The following RAP1GDS1 variants were observed in gnomAD, a reference collection of about 807,000 sequenced individuals.
RAP1GDS1 encodes the protein Rap1 GTPase-GDP dissociation stimulator 1.
In RAP1GDS1, 35 loss-of-function variants were observed where a neutral mutation model predicts 71.1. That is an observed-to-expected ratio of 0.49 (90% CI 0.38 to 0.65). The LOEUF (loss-of-function observed/expected upper bound fraction) is 0.65. Ranked by LOEUF, RAP1GDS1 falls within the 30% of genes least tolerant of loss-of-function variation. The pLI is 0.00. For synonymous variants in RAP1GDS1, 229 were observed against 243.1 expected (o/e 0.94, Z 0.54); for missense variants, 663 against 706.1 (o/e 0.94, Z 0.69).
At chr4:98,411,109 C>A (rs1747004681) in intron 7 of RAP1GDS1, among the ~76,000 whole-genome samples, 1 of 152,194 alleles carries the variant, frequency 6.6e-6, no homozygotes, top group African/African-American at 2.4e-5. Flanking sequence ...ATACATGATA[C>A]ATACAAGTGT....
At chr4:98,353,914 TAA>T (rs989391220) in intron 4 of RAP1GDS1, among the ~76,000 whole-genome samples, 1 of 152,218 alleles carries the variant, frequency 6.6e-6, no homozygotes, top group African/African-American at 2.4e-5. Flanking sequence ...TTTATATGAT[TAA>T]TTTTAGCAAC....
intron 12 of RAP1GDS1, among the ~76,000 whole-genome samples, chr4:98,432,485 AGATT>A (rs2110214443): frequency 6.6e-6 from 1 of 152,336 alleles, no homozygotes; most frequent in Non-Finnish European, 1.5e-5. Context: ...TTTCTAAAAC[AGATT>A]GATGGGGAAA....
At chr4:98,308,795 A>G (rs1729773714) in intron 2 of RAP1GDS1, among the ~76,000 whole-genome samples, 1 of 152,166 alleles carries the variant, frequency 6.6e-6, no homozygotes, top group African/African-American at 2.4e-5. Context: ...AATTAATGAC[A>G]TGAATGTGTA....
Position 98,441,907 on chromosome 4 carries a change from T to C in RAP1GDS1, c.1697-83T>C, listed in dbSNP as rs1751921399. Reference sequence around the variant, plus strand: ...TTCTAGTTTTATAAGCTTAGTCTTGTCAAAATAAACATTTTGGTATATGTT... The same window carrying C: ...TTCTAGTTTTATAAGCTTAGTCTTGCCAAAATAAACATTTTGGTATATGTT... On this transcript the variant is annotated intron_variant, in intron 14 of 14. Coordinates refer to ENST00000408927, the MANE Select transcript of RAP1GDS1 (RefSeq NM_001100427.2). 3 of 1,453,576 alleles carry C rather than the reference T, an allele frequency of 2.1e-6. No homozygotes were observed. The Admixed American group carries it at 6.0e-5, about 29-fold the overall frequency. 90.0% of individuals were successfully genotyped at this position (1,453,576 alleles called of 1,614,324 possible).
chr4:98,363,019 A>G (rs1047500115), intron 4 of RAP1GDS1, among the ~76,000 whole-genome samples: 9 of 152,174 alleles, frequency 5.9e-5, no homozygotes, highest in African/African-American at 2.2e-4. Flanking sequence ...TAAATACTAC[A>G]GAAAAGATAT....
chr4:98,365,522 C>T (rs1739359875), intron 4 of RAP1GDS1, among the ~76,000 whole-genome samples: 1 of 151,974 alleles, frequency 6.6e-6, no homozygotes, highest in African/African-American at 2.4e-5. Context: ...ACTTGGGAGG[C>T]TGATGTGGGA....
chr4:98,304,700 A>G (rs552367354), intron 2 of RAP1GDS1, among the ~76,000 whole-genome samples: 31 of 152,290 alleles, frequency 2.0e-4, no homozygotes, highest in African/African-American at 7.0e-4. Flanking sequence ...TAGTTTAATT[A>G]GATCCCATTT....
chr4:98,377,100 T>C lies in RAP1GDS1; in HGVS notation c.362-1917T>C, dbSNP rs57911361. On this transcript the variant is annotated intron_variant, in intron 4 of 14. Transcript: ENST00000408927. ...GTTTCCTAGTATATGAAATTCCTAA[T>C]ATATGAATACAAGGCTTAGTTTAGC... is the stretch of plus-strand genomic sequence containing the variant. Among the ~76,000 whole-genome samples, 585 of 152,098 alleles carry C rather than the reference T, an allele frequency of 3.8e-3. 6 individuals are homozygous for C. Among genetic ancestry groups the C allele is most frequent in the African/African-American group, 0.013 (560 of 41,550 alleles).
At chr4:98,378,900 T>C in intron 4 of RAP1GDS1, 117 bp from the exon 5 acceptor site, 1 of 976,082 alleles carries the variant, frequency 1.0e-6, no homozygotes, top group Non-Finnish European at 1.4e-6. Context: ...ATGTCCTGCC[T>C]AGGTTTATTT....
At chr4:98,293,637 T>C (rs1225099157) in intron 2 of RAP1GDS1, 122 bp downstream of exon 2, 1 of 713,516 alleles carries the variant, frequency 1.4e-6, no homozygotes, top group Non-Finnish European at 2.4e-6. Flanking sequence ...TTTTGAATCA[T>C]ATCCCTGAAT....
At chr4:98,423,357 T>A (rs1347428867) in intron 12 of RAP1GDS1, among the ~76,000 whole-genome samples, 1 of 152,202 alleles carries the variant, frequency 6.6e-6, no homozygotes, top group African/African-American at 2.4e-5. Context: ...GCAGTATTGC[T>A]AGAACACAGA....
At chr4:98,265,428 G>C (rs573648115) in intron 1 of RAP1GDS1, among the ~76,000 whole-genome samples, 1 of 152,106 alleles carries the variant, frequency 6.6e-6, no homozygotes, top group Non-Finnish European at 1.5e-5. Flanking sequence ...GTCATATTAG[G>C]ATTTGAATAC....
intron 2 of RAP1GDS1, among the ~76,000 whole-genome samples, chr4:98,323,581 A>G (rs1247677220): frequency 1.2e-3 from 164 of 140,434 alleles, no homozygotes; most frequent in African/African-American, 4.4e-3. Context: ...ACCATGATCA[A>G]GTGGGCTTCA....
At chr4:98,306,661 GC>G (rs1199215331) in intron 2 of RAP1GDS1, among the ~76,000 whole-genome samples, 1 of 152,142 alleles carries the variant, frequency 6.6e-6, no homozygotes, top group African/African-American at 2.4e-5. Flanking sequence ...TCAACAGAAA[GC>G]TAGTTTGATA....
At chr4:98,311,284 A>G (rs918541944) in intron 2 of RAP1GDS1, among the ~76,000 whole-genome samples, 22 of 152,218 alleles carry the variant, frequency 1.4e-4, no homozygotes, top group African/African-American at 5.3e-4. Flanking sequence ...ATATAAATGT[A>G]AGCATTTTGC....
intron 1 of RAP1GDS1, among the ~76,000 whole-genome samples, chr4:98,277,819 A>G (rs10006820): frequency 0.15 from 22,418 of 152,256 alleles, 2,461 homozygotes; most frequent in African/African-American, 0.31. Flanking sequence ...AGGAATTTTT[A>G]TAATAGAGTT....
intron 12 of RAP1GDS1, among the ~76,000 whole-genome samples, chr4:98,431,265 AT>A (rs1750366575): frequency 1.3e-5 from 2 of 152,140 alleles, no homozygotes; most frequent in East Asian, 3.8e-4. Context: ...GAAAAAGAAA[AT>A]TTTTGTTAAG....
chr4:98,413,668 C>G (rs1054315567), intron 7 of RAP1GDS1, among the ~76,000 whole-genome samples: 8 of 151,694 alleles, frequency 5.3e-5, no homozygotes, highest in African/African-American at 9.7e-5. Flanking sequence ...TGAATAATGC[C>G]GCAATAAACA....
intron 10 of RAP1GDS1, among the ~76,000 whole-genome samples, chr4:98,419,178 C>T (rs958120445): frequency 3.3e-5 from 5 of 152,132 alleles, no homozygotes; most frequent in Non-Finnish European, 7.3e-5. Flanking sequence ...ACCTCAGCCT[C>T]CTGAGGAACA....
Sources: gnomAD v4.1 joint callset for allele counts (sites outside exome capture counted in the v4.1 genomes callset) on GRCh38, gnomAD v4.1.1 for gene constraint, MANE v1.5 for transcripts, NCBI Gene and HGNC (gene_info 2026-07-23, HGNC 2026-07-21) for gene names.